Variants in ZFHX3 observed in about 807,000 individuals in gnomAD.
The protein encoded by ZFHX3 is zinc finger homeobox protein 3.
In ZFHX3, 42 loss-of-function variants were observed where a neutral mutation model predicts 279.1. That is an observed-to-expected ratio of 0.15 (90% CI 0.12 to 0.19). The LOEUF (loss-of-function observed/expected upper bound fraction) is 0.19. Ranked by LOEUF, ZFHX3 falls within the 10% of genes least tolerant of loss-of-function variation. The probability of loss-of-function intolerance (pLI) is 1.00; values close to 1 mark genes in which losing one functional copy is unlikely to be tolerated. For synonymous variants in ZFHX3, 2,293 were observed against 1,957.8 expected (o/e 1.17, Z -4.52); for missense variants, 4,981 against 4,754.0 (o/e 1.05, Z -1.40).
intron 2 of ZFHX3, among the ~76,000 whole-genome samples, chr16:73,502,827 C>CAGA (rs1281171153): frequency 2.6e-5 from 4 of 152,188 alleles, no homozygotes; most frequent in African/African-American, 9.7e-5. Flanking sequence ...TAGCTGTGTG[C>CAGA]AGAAGGACTT....
intron 2 of ZFHX3, among the ~76,000 whole-genome samples, chr16:73,605,153 C>T (rs2052164849): frequency 6.6e-6 from 1 of 152,056 alleles, no homozygotes; most frequent in African/African-American, 2.4e-5. Flanking sequence ...CTACCGGTGG[C>T]GGACGTGGTC....
chr16:73,283,196 A>G (rs2014501291), intron 4 of ZFHX3, among the ~76,000 whole-genome samples: 1 of 152,176 alleles, frequency 6.6e-6, no homozygotes, highest in Admixed American at 6.5e-5. Context: ...CTTTGCTGAC[A>G]CCTGCTTTCC....
At chr16:72,979,136 A>T (rs1296621205) in intron 1 of ZFHX3, among the ~76,000 whole-genome samples, 1 of 152,158 alleles carries the variant, frequency 6.6e-6, no homozygotes, top group Non-Finnish European at 1.5e-5. Flanking sequence ...GTGATGGGCT[A>T]CTTTACTCTT....
intron 2 of ZFHX3, among the ~76,000 whole-genome samples, chr16:73,660,572 G>A (rs1457530554): frequency 6.6e-6 from 1 of 151,668 alleles, no homozygotes; most frequent in East Asian, 1.9e-4. Context: ...TTTTTAAAAG[G>A]GAAAAAGGAG....
rs77706198 is a variant in ZFHX3 at position 73,186,494 on chromosome 16, T to C, written c.-1103-42663A>G. ...AATACCCAGTAGTGTGCAAGGTATATAGTAGGTACTCAAGAAACACTTTGT... is the reference window on the plus strand; with the variant it reads ...AATACCCAGTAGTGTGCAAGGTATACAGTAGGTACTCAAGAAACACTTTGT... On this transcript the variant is annotated intron_variant, in intron 5 of 17. Transcript: ENST00000641206. Among the ~76,000 whole-genome samples, 490 of 151,888 alleles carry C rather than the reference T, an allele frequency of 3.2e-3. 2 individuals are homozygous for C. Among genetic ancestry groups the C allele is most frequent in the African/African-American group, 0.011 (468 of 41,420 alleles).
rs541608485 is a variant in ZFHX3 at position 72,793,023 on chromosome 16, G to A, written c.9427+232C>T. Among the ~76,000 whole-genome samples the A allele has an allele frequency of 1.3e-5, 2 of 152,348 alleles. No individual in the cohort carries two copies. Among genetic ancestry groups the A allele is most frequent in the East Asian group, 3.9e-4 (2 of 5,192 alleles). On this transcript the variant is annotated intron_variant, in intron 9 of 9. Transcript: ENST00000268489. This position sits in a 1 kb window ranked among gnomAD's most constrained non-coding sequence, Gnocchi z 4.3. ...GACCCTCAAGTTTTTCCCTATTATA[G>A]GGGATAAGAGTGGTTTCAAAGGAGA...
At chr16:73,056,759 G>T (rs958269675) in intron 1 of ZFHX3, among the ~76,000 whole-genome samples, 1 of 152,164 alleles carries the variant, frequency 6.6e-6, no homozygotes, top group Admixed American at 6.5e-5. Context: ...ATTGCAGCAC[G>T]CTGCCCTATT....
chr16:73,716,301 G>A (rs1030615558), intron 1 of ZFHX3, among the ~76,000 whole-genome samples: 1 of 152,108 alleles, frequency 6.6e-6, no homozygotes, highest in South Asian at 2.1e-4. Flanking sequence ...GATTTGGAAC[G>A]TAAAGAAAAT....
intron 3 of ZFHX3, among the ~76,000 whole-genome samples, chr16:73,381,788 T>A (rs909373113): frequency 6.6e-6 from 1 of 152,196 alleles, no homozygotes; most frequent in East Asian, 1.9e-4. Context: ...AAATAAAAAA[T>A]AAAAGTCTAT....
At chr16:73,392,284 G>A (rs2017028618) in intron 3 of ZFHX3, among the ~76,000 whole-genome samples, 2 of 151,754 alleles carry the variant, frequency 1.3e-5, no homozygotes, top group Admixed American at 1.3e-4. Context: ...AGCTGGGTGT[G>A]GTGGGGTGTG....
At chr16:73,445,004 A>T (rs2143545566) in intron 3 of ZFHX3, among the ~76,000 whole-genome samples, 1 of 146,226 alleles carries the variant, frequency 6.8e-6, no homozygotes, top group African/African-American at 2.5e-5. Context: ...GTGTGGTGAC[A>T]GGGGCCTATA....
chr16:73,857,523 A>G (rs1173296927), intron 1 of ZFHX3, among the ~76,000 whole-genome samples: 1 of 152,158 alleles, frequency 6.6e-6, no homozygotes, highest in African/African-American at 2.4e-5. Context: ...ACTGAGAAAT[A>G]TAAAAGCGGG....
chr16:73,836,428 G>T (rs1353832986), intron 1 of ZFHX3, among the ~76,000 whole-genome samples: 3 of 152,182 alleles, frequency 2.0e-5, no homozygotes, highest in Non-Finnish European at 4.4e-5. Context: ...TGTAGTGGTG[G>T]AGGGAAGGAA....
At chr16:72,981,877 CTTTT>C (rs34508059) in intron 1 of ZFHX3, among the ~76,000 whole-genome samples, 5 of 130,702 alleles carry the variant, frequency 3.8e-5, no homozygotes, top group Admixed American at 1.6e-4. Flanking sequence ...ACACATTTTC[CTTTT>C]TTTTTTTTTT....
At chr16:73,439,603 T>C (rs899809256) in intron 3 of ZFHX3, among the ~76,000 whole-genome samples, 1 of 152,140 alleles carries the variant, frequency 6.6e-6, no homozygotes, top group Non-Finnish European at 1.5e-5. Flanking sequence ...TTAGACTGAA[T>C]ATACATTTTT....
intron 1 of ZFHX3, among the ~76,000 whole-genome samples, chr16:73,872,271 T>A (rs1448373514): frequency 2.6e-5 from 4 of 151,760 alleles, no homozygotes; most frequent in African/African-American, 9.7e-5. Flanking sequence ...TGAGACAGTC[T>A]CATTTTGTTG....
At chr16:73,254,652 C>T (rs955421790) in intron 5 of ZFHX3, among the ~76,000 whole-genome samples, 2 of 151,926 alleles carry the variant, frequency 1.3e-5, no homozygotes, top group African/African-American at 2.4e-5. Flanking sequence ...AAATTGACAT[C>T]GATGTAATAT....
At chr16:73,266,555 G>T (rs1444812702) in intron 4 of ZFHX3, among the ~76,000 whole-genome samples, 4 of 152,170 alleles carry the variant, frequency 2.6e-5, no homozygotes, top group African/African-American at 7.2e-5. Context: ...CAGACGTGAA[G>T]ACAGATTCCA....
chr16:72,960,380 G>A (rs1961518330), intron 1 of ZFHX3, among the ~76,000 whole-genome samples, 186 bp from the exon 2 acceptor site: 1 of 152,194 alleles, frequency 6.6e-6, no homozygotes, highest in South Asian at 2.1e-4. Context: ...CAGCACACAG[G>A]GGTGGCATGG....
Sources: gnomAD v4.1 joint callset for allele counts (sites outside exome capture counted in the v4.1 genomes callset) on GRCh38, gnomAD v4.1.1 for gene constraint, Gnocchi (gnomAD v3.1) non-coding constraint, MANE v1.5 for transcripts, NCBI Gene and HGNC (gene_info 2026-07-23, HGNC 2026-07-21) for gene names.